APBB2: variants seen among roughly 807,000 people sequenced by gnomAD.
The protein encoded by APBB2 is amyloid beta precursor protein binding family B member 2.
In APBB2, 38 loss-of-function variants were observed where a neutral mutation model predicts 82.5. The ratio of observed to expected loss-of-function variants is 0.46; its 90% CI spans 0.36 to 0.60. The LOEUF is 0.60. Ranked by LOEUF, APBB2 falls within the 20% of genes least tolerant of loss-of-function variation. APBB2 has a pLI of 0.00. For missense variants in APBB2, 772 were observed against 972.3 expected (o/e 0.79, Z 2.74); for synonymous variants, 341 against 368.2 (o/e 0.93, Z 0.85).
At chr4:41,008,393 C>G (rs1807383851) in intron 6 of APBB2, among the ~76,000 whole-genome samples, 1 of 152,164 alleles carries the variant, frequency 6.6e-6, no homozygotes, top group Non-Finnish European at 1.5e-5. Flanking sequence ...CATCGAGTGT[C>G]TTATTCAACA....
chr4:41,192,902 T>C (rs1337041545), intron 1 of APBB2, among the ~76,000 whole-genome samples: 3 of 152,214 alleles, frequency 2.0e-5, no homozygotes, highest in Non-Finnish European at 1.5e-5. Flanking sequence ...AATGATTTTT[T>C]TAAATAATCT....
At chr4:41,110,947 T>C (rs1003673204) in intron 2 of APBB2, among the ~76,000 whole-genome samples, 1 of 152,234 alleles carries the variant, frequency 6.6e-6, no homozygotes, top group Non-Finnish European at 1.5e-5. Context: ...TACAACTCAC[T>C]GTAATGTAGA....
At chr4:41,131,346 T>G (rs1755914825) in intron 2 of APBB2, among the ~76,000 whole-genome samples, 2 of 152,212 alleles carry the variant, frequency 1.3e-5, no homozygotes, top group African/African-American at 4.8e-5. Flanking sequence ...CAGATTCTTT[T>G]GGGAAGTGAG....
chr4:40,955,436 T>A (rs1004090332), intron 6 of APBB2, among the ~76,000 whole-genome samples: 2 of 152,228 alleles, frequency 1.3e-5, no homozygotes, highest in African/African-American at 4.8e-5. Flanking sequence ...GAAGCTATTA[T>A]GTGATGTGAT....
intron 3 of APBB2, among the ~76,000 whole-genome samples, chr4:41,100,121 G>A (rs141391443): frequency 3.4e-4 from 52 of 152,194 alleles, no homozygotes; most frequent in African/African-American, 1.1e-3. Context: ...AATAAAACTG[G>A]GAGGTGCATC....
intron 1 of APBB2, among the ~76,000 whole-genome samples, chr4:41,208,196 G>T (rs1390984981): frequency 6.6e-6 from 1 of 152,070 alleles, no homozygotes; most frequent in Non-Finnish European, 1.5e-5. Flanking sequence ...CTGGAATTCC[G>T]CAAAGTCTCT....
At chr4:40,984,580 G>A (rs1283573542) in intron 6 of APBB2, among the ~76,000 whole-genome samples, 3 of 152,170 alleles carry the variant, frequency 2.0e-5, no homozygotes, top group East Asian at 3.9e-4. Flanking sequence ...GGCCAGAAAT[G>A]GTTTTCTGGT....
chr4:41,111,898 A>G (rs570505351), intron 2 of APBB2, among the ~76,000 whole-genome samples: 72 of 152,238 alleles, frequency 4.7e-4, no homozygotes, highest in Non-Finnish European at 8.5e-4. Flanking sequence ...AGAAAGAGAA[A>G]GAATCCGTTC....
At chr4:40,982,419 AAG>A (rs1799267723) in intron 6 of APBB2, among the ~76,000 whole-genome samples, 2 of 119,854 alleles carry the variant, frequency 1.7e-5, no homozygotes, top group Non-Finnish European at 3.6e-5. Flanking sequence ...GAAAGAAAGA[AAG>A]AAAGAAAGAA....
intron 6 of APBB2, among the ~76,000 whole-genome samples, chr4:40,998,996 A>T (rs1275950395): frequency 2.6e-5 from 4 of 152,062 alleles, no homozygotes; most frequent in African/African-American, 4.8e-5. Context: ...TATTTCTAGA[A>T]TTTTCCATGG....
At chr4:40,868,071 T>C (rs1764486536) in intron 12 of APBB2, among the ~76,000 whole-genome samples, 1 of 151,808 alleles carries the variant, frequency 6.6e-6, no homozygotes, top group South Asian at 2.1e-4. Context: ...CTGCCCAGGC[T>C]GGTCTTGAAA....
At chr4:40,929,602 T>A (rs1223304682) in intron 10 of APBB2, among the ~76,000 whole-genome samples, 2 of 152,016 alleles carry the variant, frequency 1.3e-5, no homozygotes, top group African/African-American at 4.8e-5. Flanking sequence ...ACTGGGCCAA[T>A]AAGGGGAAAT....
At chr4:41,195,157 G>C in intron 1 of APBB2, among the ~76,000 whole-genome samples, 1 of 151,920 alleles carries the variant, frequency 6.6e-6, no homozygotes, top group Non-Finnish European at 1.5e-5. Flanking sequence ...AAACCTACAG[G>C]CCCCTCTCAG....
At chr4:40,839,846 G>A (rs534861184) in intron 12 of APBB2, among the ~76,000 whole-genome samples, 3 of 152,212 alleles carry the variant, frequency 2.0e-5, no homozygotes, top group East Asian at 3.9e-4. Context: ...TATATTTTTA[G>A]TAGAGACGGG....
chr4:41,085,175 C>T (rs921612329), intron 3 of APBB2, among the ~76,000 whole-genome samples: 13 of 148,182 alleles, frequency 8.8e-5, no homozygotes, highest in Non-Finnish European at 1.3e-4. Flanking sequence ...GGTGTGAACC[C>T]GGGAGGTGGA....
chr4:41,083,230 T>TA (rs1038020083), intron 3 of APBB2, among the ~76,000 whole-genome samples: 1 of 151,740 alleles, frequency 6.6e-6, no homozygotes, highest in African/African-American at 2.4e-5. Context: ...ATAACAGGAA[T>TA]AAAAAAATAA....
chr4:40,924,948 T>A (rs1188123718), intron 10 of APBB2, among the ~76,000 whole-genome samples: 1 of 152,178 alleles, frequency 6.6e-6, no homozygotes, highest in Non-Finnish European at 1.5e-5. Flanking sequence ...ACATATCAAA[T>A]CATTTTCAAA....
intron 6 of APBB2, among the ~76,000 whole-genome samples, chr4:40,964,451 A>G (rs529620619): frequency 6.9e-6 from 1 of 145,572 alleles, no homozygotes; most frequent in Admixed American, 7.1e-5. Context: ...AATAAGATAA[A>G]CAAATCATTT....
intron 10 of APBB2, among the ~76,000 whole-genome samples, chr4:40,920,753 C>T (rs1419225043): frequency 6.6e-6 from 1 of 152,206 alleles, no homozygotes; most frequent in Non-Finnish European, 1.5e-5. Context: ...CACCTGTAAT[C>T]CCAGCTAGTC....
Sources: gnomAD v4.1 joint callset for allele counts (sites outside exome capture counted in the v4.1 genomes callset) on GRCh38, gnomAD v4.1.1 for gene constraint, MANE v1.5 for transcripts, NCBI Gene and HGNC (gene_info 2026-07-23, HGNC 2026-07-21) for gene names.